IFT43: variants seen among roughly 807,000 people sequenced by gnomAD.
IFT43 encodes the protein intraflagellar transport 43, also known as intraflagellar transport protein 43 homolog.
In IFT43, 33 loss-of-function variants were observed where a neutral mutation model predicts 32.3. That is an observed-to-expected ratio of 1.02 (90% CI 0.77 to 1.37). IFT43 has a LOEUF of 1.37. Among genes scored for constraint, IFT43 ranks in the 40% most tolerant of loss-of-function variants. IFT43 has a pLI of 0.00. For synonymous variants in IFT43, 93 were observed against 98.2 expected, an observed-to-expected ratio of 0.95 and a Z score of 0.31; for missense variants, 274 against 265.9, an observed-to-expected ratio of 1.03 and a Z score of -0.21.
At chr14:76,073,984 T>C (rs1472068231) in intron 5 of IFT43, among the ~76,000 whole-genome samples, 1 of 152,160 alleles carries the variant, frequency 6.6e-6, no homozygotes, top group Middle Eastern at 3.2e-3. Context: ...AGTGGCCTTG[T>C]GCAGAGGGAG....
At position 76,050,410 on chromosome 14, in the gene IFT43, G is replaced by T. The variant is rs920123254; in HGVS notation, c.216-8232G>T. ...TGGGAGTATTTGGATGTGGTGGGAG[G>T]GTTTGGATGTGGTGGGAGTGTTTGG... On this transcript the variant is annotated intron_variant, in intron 3 of 8. Transcript: ENST00000314067. Among the ~76,000 whole-genome samples the T allele has an allele frequency of 3.0e-4, 45 of 151,954 alleles. 1 individual carries two copies. Among genetic ancestry groups the T allele is most frequent in the Admixed American group, 8.5e-4 (13 of 15,240 alleles).
intron 3 of IFT43, among the ~76,000 whole-genome samples, chr14:76,056,268 C>G (rs2037013097): frequency 6.6e-6 from 1 of 152,162 alleles, no homozygotes; most frequent in South Asian, 2.1e-4. Flanking sequence ...GAACACGCCA[C>G]CTGAGGGCAT....
intron 3 of IFT43, among the ~76,000 whole-genome samples, chr14:76,043,639 A>G (rs1018451139): frequency 6.6e-6 from 1 of 152,194 alleles, no homozygotes; most frequent in Non-Finnish European, 1.5e-5. Flanking sequence ...CTCCCAATGT[A>G]GAGTCCTCTT....
intron 3 of IFT43, among the ~76,000 whole-genome samples, chr14:76,048,293 T>C (rs565965333): frequency 6.6e-6 from 1 of 152,322 alleles, no homozygotes; most frequent in East Asian, 1.9e-4. Context: ...AGCAATCTTA[T>C]TGAACAAAAA....
At chr14:76,056,016 T>TA (rs1387653821) in intron 3 of IFT43, among the ~76,000 whole-genome samples, 1 of 152,124 alleles carries the variant, frequency 6.6e-6, no homozygotes, top group Non-Finnish European at 1.5e-5. Flanking sequence ...ACTAAAAAGT[T>TA]AAGAGTCCAG....
chr14:76,023,637 A>G (rs1170977984), intron 3 of IFT43, among the ~76,000 whole-genome samples: 1 of 152,204 alleles, frequency 6.6e-6, no homozygotes, highest in Non-Finnish European at 1.5e-5. Context: ...GTCCTCATAG[A>G]TAGGCTTTGA....
At chr14:76,044,601 G>A (rs533991476) in intron 3 of IFT43, among the ~76,000 whole-genome samples, 1 of 152,272 alleles carries the variant, frequency 6.6e-6, no homozygotes, top group African/African-American at 2.4e-5. Context: ...CTCTCCTGAG[G>A]TCAGGGAGTA....
chr14:76,055,800 C>T (rs769021420), intron 3 of IFT43, among the ~76,000 whole-genome samples: 4 of 152,318 alleles, frequency 2.6e-5, no homozygotes, highest in South Asian at 4.1e-4. Context: ...TCCTAAAACA[C>T]GCTCCCCACT....
chr14:76,015,654 G>T (rs1421972428), intron 2 of IFT43, among the ~76,000 whole-genome samples: 1 of 152,146 alleles, frequency 6.6e-6, no homozygotes, highest in African/African-American at 2.4e-5. Flanking sequence ...GGAGCTGCGG[G>T]TACCATTTTA....
intron 3 of IFT43, among the ~76,000 whole-genome samples, chr14:76,047,940 GAC>G (rs753535843): frequency 6.6e-6 from 1 of 152,086 alleles, no homozygotes; most frequent in Non-Finnish European, 1.5e-5. Flanking sequence ...GCTGGGGAGA[GAC>G]CTGAGGAGCT....
At chr14:76,042,843 TGGCAGACTAG>T (rs1449168734) in intron 3 of IFT43, among the ~76,000 whole-genome samples, 1 of 152,226 alleles carries the variant, frequency 6.6e-6, no homozygotes, top group Non-Finnish European at 1.5e-5. Flanking sequence ...TGTGATGCCA[TGGCAGACTAG>T]GGCAGAGTAG....
intron 2 of IFT43, 88 bp from the exon 3 acceptor site, chr14:76,022,239 A>C: frequency 1.6e-6 from 2 of 1,227,880 alleles, no homozygotes; most frequent in Non-Finnish European, 2.4e-6. Context: ...TGACAGAGTG[A>C]GATTTCATCT....
At chr14:76,030,816 C>T (rs2036496716) in intron 3 of IFT43, among the ~76,000 whole-genome samples, 2 of 151,802 alleles carry the variant, frequency 1.3e-5, no homozygotes, top group African/African-American at 4.8e-5. Context: ...TTTAAAAATC[C>T]TTTTTATTCA....
intron 8 of IFT43, 40 bp from the exon 9 acceptor site, chr14:76,083,418 G>A: frequency 6.2e-7 from 1 of 1,614,084 alleles, no homozygotes; most frequent in Non-Finnish European, 8.5e-7. Context: ...TGAGGGAAAA[G>A]GCCTTTCTTT....
At chr14:76,007,354 C>G (rs564123803) in intron 2 of IFT43, among the ~76,000 whole-genome samples, 2 of 152,282 alleles carry the variant, frequency 1.3e-5, no homozygotes, top group South Asian at 4.1e-4. Flanking sequence ...TGAAGCCAGG[C>G]ATTTCTCTCT....
Position 75,999,264 on chromosome 14 carries a change from TATA to T in IFT43, c.147+10288_147+10290del, listed in dbSNP as rs2035827866. On this transcript the variant is annotated intron_variant, in intron 2 of 8. Transcript: ENST00000314067. ...ATATATATATATATATATATATATA[TATA>T]TATATGTATATATATTTTTTTTTTT... Among the ~76,000 whole-genome samples, 7 of 26,122 alleles carry T rather than the reference TATA, an allele frequency of 2.7e-4. 1 individual carries two copies. Among genetic ancestry groups the T allele is most frequent in the African/African-American group, 4.6e-4 (2 of 4,382 alleles). 17.1% of individuals were successfully genotyped at this position (26,122 alleles called of 152,430 possible).
At chr14:76,065,300 C>T (rs1396210278) in intron 5 of IFT43, among the ~76,000 whole-genome samples, 1 of 152,222 alleles carries the variant, frequency 6.6e-6, no homozygotes, top group East Asian at 1.9e-4. Context: ...CATTTTCTCT[C>T]ATTTACTTCT....
intron 1 of IFT43, chr14:75,986,185 C>G (rs1225257856): frequency 6.0e-6 from 8 of 1,323,294 alleles, no homozygotes; most frequent in Non-Finnish European, 7.9e-6. Context: ...GGAGCCCCGG[C>G]CGGGGTCGCA....
chr14:75,997,358 C>T (rs1273032723), intron 2 of IFT43, among the ~76,000 whole-genome samples: 1 of 152,232 alleles, frequency 6.6e-6, no homozygotes, highest in African/African-American at 2.4e-5. Context: ...ATGAGGTCAA[C>T]ATTTCTAATA....
Sources: gnomAD v4.1 joint callset for allele counts (sites outside exome capture counted in the v4.1 genomes callset) on GRCh38, gnomAD v4.1.1 for gene constraint, MANE v1.5 for transcripts, NCBI Gene and HGNC (gene_info 2026-07-23, HGNC 2026-07-21) for gene names.